The following ADRA1A variants were observed in gnomAD, a reference collection of about 807,000 sequenced individuals.
ADRA1A encodes the protein adrenoceptor alpha 1A, also known as alpha-1A adrenergic receptor.
In ADRA1A, 31 loss-of-function variants were observed where a neutral mutation model predicts 29.6. The ratio of observed to expected loss-of-function variants is 1.05; its 90% CI spans 0.79 to 1.41. ADRA1A has a LOEUF of 1.41. Ranked by LOEUF, ADRA1A falls within the 40% of genes most tolerant of loss-of-function variation. The probability of loss-of-function intolerance (pLI) is 0.00; values close to 1 mark genes in which losing one functional copy is unlikely to be tolerated. For synonymous variants in ADRA1A, 311 were observed against 254.3 expected, an observed-to-expected ratio of 1.22 and a Z score of -2.12; for missense variants, 619 against 601.1, an observed-to-expected ratio of 1.03 and a Z score of -0.31.
chr8:26,812,812 C>T (rs906882096), intron 2 of ADRA1A, among the ~76,000 whole-genome samples: 4 of 151,606 alleles, frequency 2.6e-5, no homozygotes, highest in Non-Finnish European at 4.4e-5. Flanking sequence ...TTACAGGCGC[C>T]CGCCACCACG....
intron 2 of ADRA1A, among the ~76,000 whole-genome samples, chr8:26,772,451 C>T (rs1182263978): frequency 6.6e-6 from 1 of 152,168 alleles, no homozygotes; most frequent in Non-Finnish European, 1.5e-5. Context: ...TCTCCGCGGG[C>T]TTTTAGTCAC....
intron 2 of ADRA1A, among the ~76,000 whole-genome samples, chr8:26,788,424 A>T (rs1300163986): frequency 6.6e-6 from 1 of 152,166 alleles, no homozygotes. Context: ...AATTAGACAT[A>T]ATTTTTGAAA....
chr8:26,760,049 G>A (rs1805419602), intron 2 of ADRA1A, among the ~76,000 whole-genome samples: 1 of 152,208 alleles, frequency 6.6e-6, no homozygotes, highest in Non-Finnish European at 1.5e-5. Flanking sequence ...GGCCACAGCG[G>A]CATGGTGTCT....
At chr8:26,849,650 T>A (rs1374938923) in intron 2 of ADRA1A, among the ~76,000 whole-genome samples, 1 of 152,166 alleles carries the variant, frequency 6.6e-6, no homozygotes, top group East Asian at 1.9e-4. Context: ...CAAAGCCCAT[T>A]TCAAATTTTA....
chr8:26,790,047 G>T (rs1041746747), intron 2 of ADRA1A, among the ~76,000 whole-genome samples: 2 of 152,058 alleles, frequency 1.3e-5, no homozygotes, highest in Non-Finnish European at 2.9e-5. Flanking sequence ...CATTATGGTG[G>T]TTCCTCAAAA....
chr8:26,836,481 A>G (rs536955316), intron 2 of ADRA1A, among the ~76,000 whole-genome samples: 2 of 152,346 alleles, frequency 1.3e-5, no homozygotes, highest in South Asian at 4.1e-4. Context: ...ACCAAACTGA[A>G]CAATGATGAT....
In ADRA1A at chr8:26,848,655, A is replaced by G. The variant is rs1812394003; in HGVS notation, c.883+15432T>C. Among the ~76,000 whole-genome samples, 1 of 152,198 alleles carries G rather than the reference A, an allele frequency of 6.6e-6. No individual in the cohort carries two copies. Among genetic ancestry groups the G allele is most frequent in the Non-Finnish European group, 1.5e-5 (1 of 68,042 alleles). On this transcript the variant is annotated intron_variant, in intron 2 of 2. Transcript: ENST00000380573. The surrounding 1 kb of genome is among the most constrained non-coding windows in gnomAD (Gnocchi z 4.3). ...TCCATTATGGCAGCCTGAGCTGACA[A>G]GTCTACCGCTTGACATCACACACAT...
intron 2 of ADRA1A, among the ~76,000 whole-genome samples, chr8:26,793,662 A>C (rs935342626): frequency 2.0e-5 from 3 of 151,996 alleles, no homozygotes; most frequent in African/African-American, 7.2e-5. Flanking sequence ...TGCTGAAAAA[A>C]GTGAAAGCAA....
intron 2 of ADRA1A, among the ~76,000 whole-genome samples, chr8:26,777,762 A>T (rs1806658872): frequency 6.6e-6 from 1 of 152,196 alleles, no homozygotes; most frequent in South Asian, 2.1e-4. Flanking sequence ...AAAGCATGGG[A>T]GCATGGCATG....
rs908227768 is a variant in ADRA1A, at chr8:26,769,848, T to C, written c.*301A>G. On this transcript the variant is annotated 3_prime_UTR_variant, in exon 3 of 3. Transcript: ENST00000380573. ...ATCCTATATTTATAGTCTTTTGGAT[T>C]GTGCATGAAATTCTGTTTCCCATGG... The C allele has an allele frequency of 1.8e-6, 2 of 1,129,996 alleles. No homozygotes were observed. Among genetic ancestry groups the C allele is most frequent in the Non-Finnish European group, 2.2e-6 (2 of 922,848 alleles). The allele number at this position is 1,129,996 out of a possible 1,614,324, so 70.0% of individuals were successfully genotyped here. A position where few individuals can be genotyped will look rare whatever the true frequency, so the allele number is the denominator to read the frequency against.
intron 2 of ADRA1A, among the ~76,000 whole-genome samples, chr8:26,807,333 G>T (rs1197695984): frequency 6.6e-6 from 1 of 152,180 alleles, no homozygotes; most frequent in Non-Finnish European, 1.5e-5. Context: ...GAATCAAGAA[G>T]GGTGACAAGC....
At chr8:26,756,073 C>T (rs1187662238), downstream of ADRA1A, among the ~76,000 whole-genome samples, 2 of 152,210 alleles carry the variant, frequency 1.3e-5, no homozygotes, top group Non-Finnish European at 2.9e-5. Context: ...ACACTTGCTT[C>T]CCCACTTTTG....
chr8:26,835,538 G>A (rs1209274216), intron 2 of ADRA1A, among the ~76,000 whole-genome samples: 6 of 152,138 alleles, frequency 3.9e-5, no homozygotes, highest in Non-Finnish European at 7.3e-5. Flanking sequence ...AGGGCCAAGC[G>A]AAGGGAGAAG....
rs1812811951 is a variant in ADRA1A, at chr8:26,853,944, T to A, written c.883+10143A>T. ...TTAAATATGTATAAGGATTATAATA[T>A]TTTAAAATATTCCTCATCTTTATTC... On this transcript the variant is annotated intron_variant, in intron 2 of 2. Coordinates refer to ENST00000380573, the MANE Select transcript of ADRA1A (RefSeq NM_000680.4). 2.6e-5 allele frequency: 4 copies of A among 152,220 alleles called. No homozygotes were observed. In the South Asian group the frequency reaches 8.3e-4, roughly 32 times the overall value. 9.4% of individuals were successfully genotyped at this position (152,220 alleles called of 1,614,324 possible).
rs1326362416 is a variant in ADRA1A, at chr8:26,796,981, TCTC to T, written c.884-26318_884-26316del. Among the ~76,000 whole-genome samples the T allele has an allele frequency of 1.3e-5, 2 of 152,156 alleles. No homozygotes were observed. The highest frequency in any genetic ancestry group is 1.5e-5 in the Non-Finnish European group (1 of 68,026). On this transcript the variant is annotated intron_variant, in intron 2 of 2. Transcript: ENST00000380573. The surrounding 1 kb of genome is among the most constrained non-coding windows in gnomAD (Gnocchi z 5.0). The stretch of plus-strand genomic sequence containing the variant: ...ATTAGAGCATGAGTTCTCTCAGCGT[TCTC>T]CTCCAAAGGGTCTGCAAGGTGAACA...
chr8:26,866,455 C>T lies in ADRA1A; in HGVS notation c.-687+481G>A, dbSNP rs1027017427. Reference sequence around the variant, plus strand: ...GGATTTTGCAGGCGTAAACATTAAGCCGGCATGCCAGCGGGCAGGGGCCGC... The same window carrying T: ...GGATTTTGCAGGCGTAAACATTAAGTCGGCATGCCAGCGGGCAGGGGCCGC... On this transcript the variant is annotated intron_variant, in intron 1 of 2. Coordinates refer to ENST00000380573, the MANE Select transcript of ADRA1A (RefSeq NM_000680.4). The surrounding 1 kb of genome is among the most constrained non-coding windows in gnomAD (Gnocchi z 5.7). 1.3e-5 allele frequency among the ~76,000 whole-genome samples: 2 copies of T among 152,150 alleles called. No individual in the cohort carries two copies. The highest frequency in any genetic ancestry group is 4.8e-5 in the African/African-American group (2 of 41,436).
In ADRA1A at chr8:26,756,715, T is replaced by A. The variant is rs759356060; in HGVS notation, c.*44A>T. The A allele has an allele frequency of 4.3e-6, 7 of 1,614,012 alleles. No homozygotes were observed. The African/African-American group carries it at 8.0e-5, about 18-fold the overall frequency. On this transcript the variant is annotated 3_prime_UTR_variant, in exon 3 of 3. Transcript: ENST00000380582. The stretch of plus-strand genomic sequence containing the variant: ...ACCAGTGGTGGGTTTCATGCTCCCC[T>A]TCCTTGGGCAGTAAGGACAACAGTC...
chr8:26,845,875 A>G (rs749389278), intron 2 of ADRA1A, among the ~76,000 whole-genome samples: 5 of 152,222 alleles, frequency 3.3e-5, no homozygotes, highest in Non-Finnish European at 7.3e-5. Flanking sequence ...AGTATCAGGA[A>G]TCAGCACATC....
chr8:26,832,049 C>G (rs1477447141), intron 2 of ADRA1A, among the ~76,000 whole-genome samples: 1 of 152,238 alleles, frequency 6.6e-6, no homozygotes, highest in Non-Finnish European at 1.5e-5. Flanking sequence ...TCTGGCCCAC[C>G]AGCCTTCTCT....
Sources: allele counts gnomAD v4.1 joint callset (sites outside exome capture counted in the v4.1 genomes callset), GRCh38; gene constraint gnomAD v4.1.1; non-coding constraint Gnocchi (gnomAD v3.1); transcripts MANE v1.5; gene names NCBI Gene and HGNC (gene_info 2026-07-23, HGNC 2026-07-21).